Variants in HPS1 observed in about 807,000 individuals in gnomAD.
HPS1 encodes BLOC-3 complex member HPS1.
A neutral mutation model predicts 90.6 loss-of-function variants in HPS1; 59 were observed. The ratio of observed to expected loss-of-function variants is 0.65; its 90% CI spans 0.53 to 0.81. The LOEUF (loss-of-function observed/expected upper bound fraction) is 0.81. Among genes scored for constraint, HPS1 ranks in the 30% least tolerant of loss-of-function variants. HPS1 has a pLI of 0.00. For missense variants in HPS1, 849 were observed against 896.7 expected (o/e 0.95, Z 0.68); for synonymous variants, 388 against 384.4 (o/e 1.01, Z -0.11).
At chr10:98,415,008 C>T (rs139943281), downstream of HPS1, 131 of 1,611,552 alleles carry the variant, frequency 8.1e-5, no homozygotes, top group African/African-American at 1.7e-3. Flanking sequence ...TACCACTTTA[C>T]CTGCTCCTAT....
intron 3 of HPS1, among the ~76,000 whole-genome samples, chr10:98,436,050 T>G (rs979371907): frequency 6.6e-6 from 1 of 152,180 alleles, no homozygotes; most frequent in Non-Finnish European, 1.5e-5. Flanking sequence ...AACAGTGGAA[T>G]GTGGGGAGCA....
intron 10 of HPS1, 144 bp from the exon 11 acceptor site, chr10:98,427,408 G>C (rs1845760664): frequency 1.5e-6 from 1 of 683,400 alleles, no homozygotes; most frequent in Non-Finnish European, 2.6e-6. Flanking sequence ...AATGTGGCTG[G>C]GGCAACACCC....
intron 14 of HPS1, 108 bp from the exon 15 acceptor site, chr10:98,423,995 CTT>C: frequency 6.8e-7 from 1 of 1,461,992 alleles, no homozygotes; most frequent in Non-Finnish European, 9.4e-7. Context: ...CTGGGGAGCC[CTT>C]CCCCCTTGTG....
chr10:98,428,228 A>G (rs998542623), intron 10 of HPS1, among the ~76,000 whole-genome samples: 2 of 152,192 alleles, frequency 1.3e-5, no homozygotes, highest in African/African-American at 4.8e-5. Flanking sequence ...GCCAGACCTA[A>G]AGTTAAAAGC....
chr10:98,425,443 C>T, intron 13 of HPS1, 98 bp downstream of exon 13: 1 of 1,235,416 alleles, frequency 8.1e-7, no homozygotes, highest in Middle Eastern at 2.6e-4. Flanking sequence ...CGGACAGGAA[C>T]CCAGGCCCAT....
chr10:98,440,589 C>A (rs1938245976), intron 3 of HPS1, among the ~76,000 whole-genome samples: 1 of 151,744 alleles, frequency 6.6e-6, no homozygotes. Flanking sequence ...AATAAAGACC[C>A]AAAGAAAGTA....
rs1844338872 is a variant in HPS1 at position 98,418,053 on chromosome 10, C to T, written c.1940+122G>A. On this transcript the variant is annotated intron_variant, in intron 19 of 19. Coordinates refer to ENST00000361490, the MANE Select transcript of HPS1 (RefSeq NM_000195.5). The stretch of plus-strand genomic sequence containing the variant: ...CACAGGGCCAGCCGGGAAGGTGTTC[C>T]CAGCGTGGATTTCTGGGTCTGAGGT... 8 of 721,384 alleles carry T rather than the reference C, an allele frequency of 1.1e-5. No individual in the cohort carries two copies. In the East Asian group the frequency reaches 2.0e-4, roughly 18 times the overall value. The allele number at this position is 721,384 out of a possible 1,614,324, so 44.7% of individuals were successfully genotyped here.
In HPS1 at chr10:98,429,560, C is replaced by A. The variant is rs1846086077; in HGVS notation, c.937+13G>T. 1 of 1,614,208 alleles carries A rather than the reference C, an allele frequency of 6.2e-7. No individual in the cohort carries two copies. The highest frequency in any genetic ancestry group is 8.5e-7 in the Non-Finnish European group (1 of 1,180,040). On this transcript the variant is annotated intron_variant, in intron 10 of 19. Coordinates refer to ENST00000361490, the MANE Select transcript of HPS1 (RefSeq NM_000195.5). ...CTAGCTATTGTTTCCTCCTGCTTTC[C>A]TCCGGTCCTCACCTGAGCTCTGATC...
At chr10:98,427,938 T>C (rs1845831478) in intron 10 of HPS1, among the ~76,000 whole-genome samples, 1 of 152,164 alleles carries the variant, frequency 6.6e-6, no homozygotes, top group Admixed American at 6.5e-5. Context: ...CCCAAACCAT[T>C]TGTAAGTTGT....
intron 13 of HPS1, among the ~76,000 whole-genome samples, chr10:98,424,877 T>C (rs983295622): frequency 4.6e-5 from 7 of 152,160 alleles, no homozygotes; most frequent in Non-Finnish European, 8.8e-5. Flanking sequence ...CAGCCAATCC[T>C]GCAGCCTTCA....
rs1844234187 is a variant in HPS1, at chr10:98,417,338, AC to A, written c.*225del. On this transcript the variant is annotated 3_prime_UTR_variant, in exon 20 of 20. Transcript: ENST00000361490. The surrounding 1 kb of genome is among the most constrained non-coding windows in gnomAD (Gnocchi z 4.2). Reference sequence around the variant, plus strand: ...TTGCCACCGTTGTTTTACAAACAGGACCCCTGGGCTTCCCTCTTCCTCCAGA... The same window carrying A: ...TTGCCACCGTTGTTTTACAAACAGGACCCTGGGCTTCCCTCTTCCTCCAGA... The A allele has an allele frequency of 1.0e-4, 51 of 497,064 alleles. No homozygotes were observed. In the East Asian group the frequency reaches 1.6e-3, roughly 16 times the overall value. The allele number at this position is 497,064 out of a possible 1,614,324, so 30.8% of individuals were successfully genotyped here.
rs539822608 is a variant in HPS1, at chr10:98,430,661, G to A, written c.678C>T (p.Ala226=). ...GCAGGTCGGCCGGGCGCAGGGAGCTGGCACTGTGGCTGCAGACACAGGAGC... is the reference window on the plus strand; with the variant it reads ...GCAGGTCGGCCGGGCGCAGGGAGCTAGCACTGTGGCTGCAGACACAGGAGC... ...KLLAFYSSHS[A]SSLRPADLLA... The change falls in exon 8 of 20, where the codon GCC becomes GCT. Residue 226 remains alanine (A), a synonymous_variant. Transcript: ENST00000361490. 2.6e-4 allele frequency: 411 copies of A among 1,552,812 alleles called. 1 individual carries two copies. The African/African-American group carries it at 5.0e-3, about 19-fold the overall frequency.
intron 3 of HPS1, among the ~76,000 whole-genome samples, chr10:98,440,364 T>C (rs2136300816): frequency 6.6e-6 from 1 of 152,300 alleles, no homozygotes. Context: ...AAGAGTGATA[T>C]AGCAAATTAG....
At chr10:98,438,703 T>C (rs746544360) in intron 3 of HPS1, among the ~76,000 whole-genome samples, 1 of 152,196 alleles carries the variant, frequency 6.6e-6, no homozygotes, top group East Asian at 1.9e-4. Context: ...GATGATGCAA[T>C]AGAAAAGAAA....
At chr10:98,441,751 G>A (rs542350204) in intron 3 of HPS1, among the ~76,000 whole-genome samples, 136 of 152,350 alleles carry the variant, frequency 8.9e-4, no homozygotes, top group African/African-American at 3.2e-3. Context: ...AAAAGCATTA[G>A]TCATTAAGGA....
At chr10:98,444,623 A>G (rs978212449) in intron 2 of HPS1, among the ~76,000 whole-genome samples, 1 of 152,228 alleles carries the variant, frequency 6.6e-6, no homozygotes, top group Non-Finnish European at 1.5e-5. Flanking sequence ...GGATCACAGC[A>G]TCTCCAGGTC....
chr10:98,429,498 C>A, intron 10 of HPS1, 75 bp downstream of exon 10: 2 of 1,611,620 alleles, frequency 1.2e-6, no homozygotes, highest in East Asian at 2.2e-5. Context: ...TCCACTGGAG[C>A]CTAAGACAGA....
chr10:98,416,690 C>T lies in HPS1; in HGVS notation c.*874G>A, dbSNP rs1368414245. The T allele has an allele frequency of 6.6e-6, 1 of 152,386 alleles. No homozygotes were observed. The highest frequency in any genetic ancestry group is 6.5e-5 in the Admixed American group (1 of 15,290). The allele number at this position is 152,386 out of a possible 1,614,324, so 9.4% of individuals were successfully genotyped here. Reference sequence around the variant, plus strand: ...CCGTCCTCTCTGGCCCAGCACCGGCCTCCTGGCCTCAGAGGAGCAGACACT... The same window carrying T: ...CCGTCCTCTCTGGCCCAGCACCGGCTTCCTGGCCTCAGAGGAGCAGACACT... On this transcript the variant is annotated 3_prime_UTR_variant, in exon 20 of 20. Transcript: ENST00000361490.
At chr10:98,418,994 A>G (rs1844485554) in intron 18 of HPS1, among the ~76,000 whole-genome samples, 1 of 152,152 alleles carries the variant, frequency 6.6e-6, no homozygotes, top group Non-Finnish European at 1.5e-5. Context: ...GGGGGAGCAG[A>G]GCTTGGGCTC....
Sources: gnomAD v4.1 joint callset for allele counts (sites outside exome capture counted in the v4.1 genomes callset) on GRCh38, gnomAD v4.1.1 for gene constraint, Gnocchi (gnomAD v3.1) non-coding constraint, MANE v1.5 for transcripts, NCBI Gene and HGNC (gene_info 2026-07-23, HGNC 2026-07-21) for gene names.